KLF8: variants seen among roughly 807,000 people sequenced by gnomAD.
The protein encoded by KLF8 is KLF transcription factor 8.
A neutral mutation model predicts 18.2 loss-of-function variants in KLF8; 10 were observed. That is an observed-to-expected ratio of 0.55 (90% confidence interval 0.34 to 0.93). The LOEUF (loss-of-function observed/expected upper bound fraction) is 0.93. Among genes scored for constraint, KLF8 ranks in the 40% least tolerant of loss-of-function variants. The pLI is 0.02. For missense variants in KLF8, 264 were observed against 277.9 expected (o/e 0.95, Z 0.36); for synonymous variants, 109 against 97.3 (o/e 1.12, Z -0.71).
At chrX:56,274,912 A>G (rs1602464873) in intron 5 of KLF8, among the ~76,000 whole-genome samples, 2 of 112,289 alleles carry the variant, frequency 1.8e-5, no homozygotes, top group Admixed American at 1.9e-4. Flanking sequence ...ATACCTCTGT[A>G]GTATAATGTA....
At chrX:55,911,345 A>G in the KLF8 span, among the ~76,000 whole-genome samples, 1 of 111,832 alleles carries the variant, frequency 8.9e-6, no homozygotes, top group South Asian at 3.7e-4. Context: ...AGGGTCAACT[A>G]TACTTAAATA....
At chrX:56,263,008 C>T (rs1024688304) in intron 2 of KLF8, among the ~76,000 whole-genome samples, 1 of 112,260 alleles carries the variant, frequency 8.9e-6, no homozygotes, top group African/African-American at 3.2e-5. Flanking sequence ...AAAGAGATAA[C>T]ATTTTTTCTT....
the KLF8 span, among the ~76,000 whole-genome samples, chrX:56,188,019 G>T: frequency 9.0e-6 from 1 of 111,183 alleles, no homozygotes; most frequent in Non-Finnish European, 1.9e-5. Flanking sequence ...GGAAGTTCTG[G>T]CCAGGGCAAT....
At chrX:56,038,587 T>G in the KLF8 span, among the ~76,000 whole-genome samples, 4 of 112,889 alleles carry the variant, frequency 3.5e-5, no homozygotes, top group African/African-American at 1.3e-4. Context: ...ATAGTTTATA[T>G]GTACCACATT....
intron 2 of KLF8, among the ~76,000 whole-genome samples, chrX:56,256,864 T>G (rs2147625630): frequency 9.0e-6 from 1 of 111,152 alleles, no homozygotes; most frequent in East Asian, 2.8e-4. Flanking sequence ...CCACCACACC[T>G]GGCTAATTTT....
chrX:56,129,396 C>T, the KLF8 span, among the ~76,000 whole-genome samples: 2 of 112,168 alleles, frequency 1.8e-5, no homozygotes, highest in Non-Finnish European at 3.8e-5. Context: ...CCCGAGCACA[C>T]ACTCTCACTG....
the KLF8 span, among the ~76,000 whole-genome samples, chrX:56,051,750 G>C: frequency 1.1e-4 from 12 of 107,125 alleles, no homozygotes; most frequent in South Asian, 7.8e-4. Context: ...ATGTGTCTTG[G>C]AGTTGCTCTT....
chrX:56,026,176 C>G, the KLF8 span, among the ~76,000 whole-genome samples: 2 of 111,756 alleles, frequency 1.8e-5, no homozygotes, highest in Non-Finnish European at 3.8e-5. Context: ...ATTCCTTCCG[C>G]CTTTACAGCT....
At chrX:56,180,867 G>C in the KLF8 span, among the ~76,000 whole-genome samples, 5 of 111,999 alleles carry the variant, frequency 4.5e-5, no homozygotes, top group Non-Finnish European at 9.4e-5. Flanking sequence ...TTGCTGAGGA[G>C]TGCTTTACTT....
At chrX:56,251,665 A>G (rs1412547233) in intron 2 of KLF8, among the ~76,000 whole-genome samples, 1 of 109,276 alleles carries the variant, frequency 9.2e-6, no homozygotes, top group Non-Finnish European at 1.9e-5. Context: ...GTTTCACCAT[A>G]TTGGCTAGGC....
the KLF8 span, among the ~76,000 whole-genome samples, chrX:55,920,595 A>T: frequency 9.0e-6 from 1 of 110,924 alleles, no homozygotes; most frequent in South Asian, 3.8e-4. Context: ...CAGCTTCTGG[A>T]AATCAAGGAC....
At chrX:55,961,830 C>A in the KLF8 span, 1 of 271,565 alleles carries the variant, frequency 3.7e-6, no homozygotes, top group South Asian at 4.3e-5. Context: ...ATGCCTGTGC[C>A]CATAATCCCA....
chrX:56,290,255 T>C lies in KLF8; in HGVS notation c.*5761T>C, dbSNP rs2067309343. 1.8e-5 allele frequency among the ~76,000 whole-genome samples: 2 copies of C among 111,576 alleles called. No homozygotes were observed. On this transcript the variant is annotated 3_prime_UTR_variant, in exon 6 of 6. Transcript: ENST00000468660. Reference sequence around the variant, plus strand: ...TCTCAATATCTACCTCACAGGAATGTTGTGAGGCTTCTCATAAATTGATTT... The same window carrying C: ...TCTCAATATCTACCTCACAGGAATGCTGTGAGGCTTCTCATAAATTGATTT...
At chrX:56,046,257 GT>G in the KLF8 span, among the ~76,000 whole-genome samples, 1 of 111,566 alleles carries the variant, frequency 9.0e-6, no homozygotes, top group African/African-American at 3.3e-5. Context: ...CTAGTATTTT[GT>G]TGAGAATTTT....
At chrX:56,224,759 C>T in the KLF8 span, among the ~76,000 whole-genome samples, 1 of 111,829 alleles carries the variant, frequency 8.9e-6, no homozygotes, top group South Asian at 3.8e-4. Flanking sequence ...TGTTCCTGCT[C>T]TTATAACAAA....
the KLF8 span, chrX:56,074,509 G>T: frequency 1.8e-5 from 2 of 111,493 alleles, no homozygotes; most frequent in African/African-American, 3.3e-5. Context: ...TAATATGGAA[G>T]TCCAGTTTTC....
At chrX:56,206,862 T>C in the KLF8 span, among the ~76,000 whole-genome samples, 1 of 112,862 alleles carries the variant, frequency 8.9e-6, no homozygotes, top group Non-Finnish European at 1.9e-5. Flanking sequence ...ATGAGGGCTC[T>C]ACCCCTGCAG....
the KLF8 span, among the ~76,000 whole-genome samples, chrX:55,967,689 A>G: frequency 8.9e-6 from 1 of 111,886 alleles, no homozygotes; most frequent in Middle Eastern, 4.6e-3. Flanking sequence ...CTCACGGGTA[A>G]TAGTAAGTCC....
chrX:56,140,141 C>T, the KLF8 span, among the ~76,000 whole-genome samples: 1 of 112,310 alleles, frequency 8.9e-6, no homozygotes, highest in South Asian at 3.7e-4. Context: ...AAAGGTAATG[C>T]TTATACACTG....
Sources: allele counts gnomAD v4.1 joint callset (sites outside exome capture counted in the v4.1 genomes callset), GRCh38; gene constraint gnomAD v4.1.1; transcripts MANE v1.5; gene names NCBI Gene and HGNC (gene_info 2026-07-23, HGNC 2026-07-21).